The following SPATA16 variants were observed in gnomAD, a reference collection of about 807,000 sequenced individuals.
The protein encoded by SPATA16 is spermatogenesis-associated protein 16.
A neutral mutation model predicts 63.3 loss-of-function variants in SPATA16; 36 were observed. The observed-to-expected ratio is 0.57, with a 90% confidence interval of 0.44 to 0.75. SPATA16 has a LOEUF of 0.75. Ranked by LOEUF, SPATA16 falls within the 30% of genes least tolerant of loss-of-function variation. The pLI, the probability that SPATA16 is intolerant of heterozygous loss-of-function variation, is 0.00. For synonymous variants in SPATA16, 203 were observed against 216.7 expected (o/e 0.94, Z 0.56); for missense variants, 646 against 679.3 (o/e 0.95, Z 0.54).
chr3:172,889,949 G>T (rs750567805), intron 10 of SPATA16, among the ~76,000 whole-genome samples: 2 of 152,156 alleles, frequency 1.3e-5, no homozygotes, highest in African/African-American at 2.4e-5. Context: ...GAATGGAAAT[G>T]GGGATTACTG....
At chr3:172,954,629 G>A (rs1261325683) in intron 6 of SPATA16, among the ~76,000 whole-genome samples, 1 of 152,132 alleles carries the variant, frequency 6.6e-6, no homozygotes, top group Admixed American at 6.5e-5. Context: ...AATAACACCT[G>A]ACCTTTCCTC....
intron 6 of SPATA16, among the ~76,000 whole-genome samples, chr3:172,939,506 C>T (rs975932361): frequency 6.6e-6 from 1 of 151,982 alleles, no homozygotes; most frequent in Non-Finnish European, 1.5e-5. Context: ...AAATCTTATG[C>T]AAATGAATAG....
At chr3:173,078,099 T>G (rs1178722832) in intron 2 of SPATA16, among the ~76,000 whole-genome samples, 1 of 152,208 alleles carries the variant, frequency 6.6e-6, no homozygotes, top group Non-Finnish European at 1.5e-5. Flanking sequence ...TTACTTGTAT[T>G]ACAATAGGAG....
chr3:173,034,337 C>G (rs1169793700), intron 3 of SPATA16, among the ~76,000 whole-genome samples: 1 of 152,018 alleles, frequency 6.6e-6, no homozygotes, highest in Non-Finnish European at 1.5e-5. Context: ...ATAATAAAAT[C>G]ATATCCTTAT....
chr3:173,014,806 T>G (rs1182754675), intron 4 of SPATA16, among the ~76,000 whole-genome samples: 1 of 152,182 alleles, frequency 6.6e-6, no homozygotes, highest in East Asian at 1.9e-4. Context: ...TTTGTACCTG[T>G]TTTCCTGGCG....
chr3:173,106,828 T>C (rs1236659838), intron 2 of SPATA16, among the ~76,000 whole-genome samples: 1 of 152,188 alleles, frequency 6.6e-6, no homozygotes, highest in African/African-American at 2.4e-5. Flanking sequence ...TTTAGCTATT[T>C]ATGTTTCGAG....
chr3:173,033,975 G>A (rs575679839), intron 3 of SPATA16, among the ~76,000 whole-genome samples: 53 of 152,296 alleles, frequency 3.5e-4, no homozygotes, highest in African/African-American at 1.3e-3. Context: ...AAAGAGCTGG[G>A]ATTACAGGAG....
chr3:172,929,441 G>T (rs1399079035), intron 6 of SPATA16, among the ~76,000 whole-genome samples: 3 of 152,076 alleles, frequency 2.0e-5, no homozygotes, highest in Non-Finnish European at 2.9e-5. Flanking sequence ...ATATTTTATT[G>T]TACTCCAGAA....
At chr3:172,993,197 T>C (rs2108261921) in intron 4 of SPATA16, among the ~76,000 whole-genome samples, 1 of 120,750 alleles carries the variant, frequency 8.3e-6, no homozygotes, top group East Asian at 2.1e-4. Context: ...TTTTAAAATA[T>C]TAGTGAAAAA....
intron 3 of SPATA16, among the ~76,000 whole-genome samples, chr3:173,028,126 C>G (rs574400771): frequency 1.3e-5 from 2 of 149,744 alleles, no homozygotes; most frequent in South Asian, 2.1e-4. Context: ...GCAAAGATGC[C>G]CATCTAGTTA....
intron 2 of SPATA16, among the ~76,000 whole-genome samples, chr3:173,088,030 CTTT>C (rs1737111880): frequency 1.5e-5 from 2 of 130,252 alleles, no homozygotes; most frequent in Non-Finnish European, 3.3e-5. Flanking sequence ...TTCTTTCTTT[CTTT>C]CTTTCTTTCT....
chr3:172,900,446 T>C (rs1364875098), intron 10 of SPATA16, among the ~76,000 whole-genome samples: 1 of 152,206 alleles, frequency 6.6e-6, no homozygotes, highest in African/African-American at 2.4e-5. Context: ...TATAATTTTG[T>C]CTTTTGCCAA....
At chr3:173,103,846 T>C (rs553642490) in intron 2 of SPATA16, among the ~76,000 whole-genome samples, 1 of 152,364 alleles carries the variant, frequency 6.6e-6, no homozygotes, top group South Asian at 2.1e-4. Flanking sequence ...TGCTTTTTCT[T>C]TCTCTGCCAC....
Position 173,117,740 on chromosome 3 carries a change from C to A in SPATA16, c.-9G>T, listed in dbSNP as rs775099467. Reference sequence around the variant, plus strand: ...CTGCTTCCTGCATCCATCGATCCTGCCCAAAACTCCTGCAGGGGGGAGAAA... The same window carrying A: ...CTGCTTCCTGCATCCATCGATCCTGACCAAAACTCCTGCAGGGGGGAGAAA... On this transcript the variant is annotated 5_prime_UTR_variant, in exon 2 of 11. Transcript: ENST00000351008. 1 of 1,614,050 alleles carries A rather than the reference C, an allele frequency of 6.2e-7. No individual in the cohort carries two copies. The highest frequency in any genetic ancestry group is 1.7e-5 in the Admixed American group (1 of 60,016).
intron 2 of SPATA16, among the ~76,000 whole-genome samples, chr3:173,076,153 G>A (rs945377475): frequency 3.3e-5 from 5 of 151,918 alleles, no homozygotes; most frequent in Admixed American, 2.0e-4. Context: ...AACTAGTATG[G>A]TGTATTTCTA....
At chr3:172,971,530 T>C (rs2108247043) in intron 5 of SPATA16, among the ~76,000 whole-genome samples, 1 of 152,304 alleles carries the variant, frequency 6.6e-6, no homozygotes, top group African/African-American at 2.4e-5. Context: ...CTGTAGCTTT[T>C]CCTGGTAATA....
At chr3:173,138,676 C>T (rs943093276) in intron 1 of SPATA16, among the ~76,000 whole-genome samples, 1 of 152,126 alleles carries the variant, frequency 6.6e-6, no homozygotes, top group African/African-American at 2.4e-5. Flanking sequence ...TTTCAACTGG[C>T]CTACTTAAAA....
chr3:173,052,562 C>T (rs1736129415), intron 2 of SPATA16, among the ~76,000 whole-genome samples: 1 of 152,176 alleles, frequency 6.6e-6, no homozygotes, highest in Non-Finnish European at 1.5e-5. Flanking sequence ...ATAAGGCAAA[C>T]AGTTAAAACA....
intron 6 of SPATA16, among the ~76,000 whole-genome samples, chr3:172,944,080 G>T (rs1238880514): frequency 1.3e-5 from 2 of 152,164 alleles, no homozygotes; most frequent in Non-Finnish European, 2.9e-5. Flanking sequence ...GCAACCTATA[G>T]AATGGGAGGA....
Sources: allele counts gnomAD v4.1 joint callset (sites outside exome capture counted in the v4.1 genomes callset), GRCh38; gene constraint gnomAD v4.1.1; transcripts MANE v1.5; gene names NCBI Gene and HGNC (gene_info 2026-07-23, HGNC 2026-07-21).